The following ABHD4 variants were observed in gnomAD, a reference collection of about 807,000 sequenced individuals.
The protein encoded by ABHD4 is (Lyso)-N-acylphosphatidylethanolamine lipase.
Under a neutral mutation model 42.3 loss-of-function variants are expected in ABHD4, and 35 were observed. The observed-to-expected ratio is 0.83, with a 90% CI of 0.63 to 1.10. ABHD4 has a LOEUF of 1.10. Ranked by LOEUF, ABHD4 falls within the 50% of genes least tolerant of loss-of-function variation. The probability of loss-of-function intolerance (pLI) is 0.00; values close to 1 mark genes in which losing one functional copy is unlikely to be tolerated. For synonymous variants in ABHD4, 169 were observed against 170.6 expected, an observed-to-expected ratio of 0.99 and a Z score of 0.07; for missense variants, 389 against 454.8, an observed-to-expected ratio of 0.86 and a Z score of 1.32.
Position 22,609,758 on chromosome 14 carries a change from T to A in ABHD4, c.787T>A (p.Phe263Ile), listed in dbSNP as rs1401358668. 20 of 1,614,014 alleles carry A rather than the reference T, an allele frequency of 1.2e-5. No homozygotes were observed. In the South Asian group the frequency reaches 2.2e-4, roughly 18 times the overall value. The change falls in exon 6 of 7, where the codon TTT becomes ATT. Residue 263 changes from phenylalanine (F) to isoleucine (I), a missense_variant. This residue lies in a region of ABHD4 where 249 missense variants were observed against 254.4 expected (regional missense o/e 0.98). Coordinates refer to ENST00000428304, the MANE Select transcript of ABHD4 (RefSeq NM_022060.3). ...AGCATTCAAAGCCATGATGGAGTCCTTTGGCTGGGCCCGGCGCCCTATGCT... is the reference window on the plus strand; with the variant it reads ...AGCATTCAAAGCCATGATGGAGTCCATTGGCTGGGCCCGGCGCCCTATGCT... ...ETAFKAMMES[F>I]GWARRPMLER...
intron 5 of ABHD4, among the ~76,000 whole-genome samples, chr14:22,608,554 T>C (rs997452853): frequency 6.6e-6 from 1 of 152,266 alleles, no homozygotes; most frequent in Non-Finnish European, 1.5e-5. Context: ...CCCTTTTTAC[T>C]ACTATAGTAC....
rs2037415749 is a variant in ABHD4, at chr14:22,611,594, G to C, written c.*646G>C. On this transcript the variant is annotated 3_prime_UTR_variant, in exon 7 of 7. Transcript: ENST00000428304. ...TTCAAGTTCTGGCAGAGCTTGTAAG[G>C]CTAGAGCCCAGGTCTGCCGACACCC... 6.6e-6 allele frequency: 1 copy of C among 152,638 alleles called. No homozygotes were observed. Among genetic ancestry groups the C allele is most frequent in the South Asian group, 2.1e-4 (1 of 4,852 alleles). 9.5% of individuals were successfully genotyped at this position (152,638 alleles called of 1,614,324 possible).
chr14:22,604,756 T>C lies in ABHD4; in HGVS notation c.640+677T>C, dbSNP rs910832986. On this transcript the variant is annotated intron_variant, in intron 4 of 6. Coordinates refer to ENST00000428304, the MANE Select transcript of ABHD4 (RefSeq NM_022060.3). ...TCCTGAGTAGCTGGGACTGCAGGTGTACCCCACCACACCTGGCTAATTTTT... is the reference window on the plus strand; with the variant it reads ...TCCTGAGTAGCTGGGACTGCAGGTGCACCCCACCACACCTGGCTAATTTTT... 2.0e-5 allele frequency among the ~76,000 whole-genome samples: 3 copies of C among 151,722 alleles called. 1 individual carries two copies. The highest frequency in any genetic ancestry group is 7.3e-5 in the African/African-American group (3 of 41,252).
chr14:22,599,817 A>G (rs956108533), intron 1 of ABHD4, among the ~76,000 whole-genome samples: 3 of 152,220 alleles, frequency 2.0e-5, no homozygotes, highest in South Asian at 2.1e-4. Flanking sequence ...CTTCAAGCCT[A>G]CAAGGAATTC....
chr14:22,600,829 GGGGTGTGT>G (rs1210049681), intron 1 of ABHD4, among the ~76,000 whole-genome samples: 21,434 of 125,064 alleles, frequency 0.17, 1,710 homozygotes, highest in Admixed American at 0.2. Context: ...GTCCAGCAGG[GGGGTGTGT>G]GTGTGTGTGT....
At chr14:22,600,551 C>T (rs955568226) in intron 1 of ABHD4, among the ~76,000 whole-genome samples, 3 of 152,158 alleles carry the variant, frequency 2.0e-5, no homozygotes, top group Non-Finnish European at 4.4e-5. Context: ...TGGTTCCCCT[C>T]ACTCCCCCTT....
chr14:22,609,516 G>C, intron 5 of ABHD4: 1 of 516,310 alleles, frequency 1.9e-6, no homozygotes, highest in Non-Finnish European at 3.3e-6. Context: ...TACTGCCATG[G>C]GGTTTTTCAC....
At chr14:22,607,663 C>G (rs2037364535) in intron 5 of ABHD4, among the ~76,000 whole-genome samples, 1 of 152,228 alleles carries the variant, frequency 6.6e-6, no homozygotes, top group South Asian at 2.1e-4. Flanking sequence ...GCCCTTCTCT[C>G]AGCCCCCATG....
Position 22,610,849 on chromosome 14 carries a change from C to A in ABHD4, c.940-10C>A, listed in dbSNP as rs2037406779. The A allele has an allele frequency of 6.2e-7, 1 of 1,610,774 alleles. No homozygotes were observed. Among genetic ancestry groups the A allele is most frequent in the African/African-American group, 1.3e-5 (1 of 74,888 alleles). On this transcript the variant is annotated splice_polypyrimidine_tract_variant and intron_variant, in intron 6 of 6. Coordinates refer to ENST00000428304, the MANE Select transcript of ABHD4 (RefSeq NM_022060.3). ...AGGCCATCCCACCCCTGCGGGTTCT[C>A]TCTCCACAGGAGATTAAGGGTGCCT...
In ABHD4 at chr14:22,603,993, G is replaced by A. The variant is rs199553605; in HGVS notation, c.554G>A (p.Arg185His). Residue 185 changes from arginine to histidine, a missense_variant, in exon 4 of 7, where the codon CGT becomes CAT. Around this residue, in one of 3 missense-constraint regions of ABHD4, gnomAD observed 249 missense variants for 254.4 expected, o/e 0.98. Transcript: ENST00000428304. The stretch of plus-strand genomic sequence containing the variant: ...CGACCAACTAACCCCAGTGAGATCC[G>A]TGCACCCCCAGCCTGGGTCAAAGCC... ...PLRPTNPSEI[R>H]APPAWVKAVA... 48 of 1,614,166 alleles carry A rather than the reference G, an allele frequency of 3.0e-5. No homozygotes were observed. The highest frequency in any genetic ancestry group is 8.9e-5 in the East Asian group (4 of 44,874).
At chr14:22,606,602 G>C (rs904074928) in intron 5 of ABHD4, 69 bp downstream of exon 5, 3 of 1,085,648 alleles carry the variant, frequency 2.8e-6, no homozygotes, top group Non-Finnish European at 4.1e-6. Context: ...AGCTGCTGGA[G>C]TTCTGGGCTT....
chr14:22,600,108 T>C (rs955820954), intron 1 of ABHD4: 8 of 453,204 alleles, frequency 1.8e-5, no homozygotes, highest in African/African-American at 6.0e-5. Context: ...AGCAACCCTA[T>C]GAGGTAGATA....
chr14:22,598,436 T>C (rs1489771173), intron 1 of ABHD4, 107 bp downstream of exon 1: 1 of 1,461,410 alleles, frequency 6.8e-7, no homozygotes, highest in Non-Finnish European at 9.2e-7. Flanking sequence ...CGCTCTTCCT[T>C]TTCCAGGTCG....
intron 5 of ABHD4, among the ~76,000 whole-genome samples, chr14:22,609,205 C>A (rs1326054499): frequency 6.6e-6 from 1 of 152,112 alleles, no homozygotes; most frequent in African/African-American, 2.4e-5. Context: ...ACCATGTTGG[C>A]CAGGCTGGTC....
Position 22,603,922 on chromosome 14 carries a change from T to G in ABHD4, c.486-3T>G. 6.2e-7 allele frequency: 1 copy of G among 1,613,896 alleles called. No individual in the cohort carries two copies. Among genetic ancestry groups the G allele is most frequent in the Non-Finnish European group, 8.5e-7 (1 of 1,179,796 alleles). On this transcript the variant is annotated splice_region_variant and splice_polypyrimidine_tract_variant and intron_variant, in intron 3 of 6. Transcript: ENST00000428304. ...TCTTCTCCTCTTTCCGCCTTTAACA[T>G]AGAGTTAAACACCTCATCCTGGTGG...
chr14:22,606,677 T>G (rs148983157), intron 5 of ABHD4, 144 bp downstream of exon 5: 1 of 608,770 alleles, frequency 1.6e-6, no homozygotes, highest in Non-Finnish European at 2.9e-6. Context: ...GCCTGATCAT[T>G]TCCAGAGAGT....
chr14:22,600,184 C>T (rs1235104559), intron 1 of ABHD4: 1 of 455,834 alleles, frequency 2.2e-6, no homozygotes, highest in Admixed American at 2.3e-5. Context: ...TGCCCACAGT[C>T]ACATTGCTGG....
rs1033904279 is a variant in ABHD4 at position 22,612,912 on chromosome 14, G to T, written c.*1964G>T. ...ACCATAAGCAACATAAAGACAAAGG[G>T]TACATCTAGCACATAGTTCGTGTTC... is the stretch of plus-strand genomic sequence containing the variant. On this transcript the variant is annotated 3_prime_UTR_variant, in exon 7 of 7. Coordinates refer to ENST00000428304, the MANE Select transcript of ABHD4 (RefSeq NM_022060.3). 1 of 152,166 alleles carries T rather than the reference G, an allele frequency of 6.6e-6. No individual in the cohort carries two copies. The highest frequency in any genetic ancestry group is 2.1e-4 in the South Asian group (1 of 4,818). The allele number at this position is 152,166 out of a possible 1,614,324, so 9.4% of individuals were successfully genotyped here.
In ABHD4 at chr14:22,603,645, A is replaced by G. The variant is rs1423752037; in HGVS notation, c.368A>G (p.Glu123Gly). The G allele has an allele frequency of 6.2e-7, 1 of 1,613,986 alleles. No individual in the cohort carries two copies. Among genetic ancestry groups the G allele is most frequent in the Non-Finnish European group, 8.5e-7 (1 of 1,180,018 alleles). Residue 123 changes from glutamate to glycine, a missense_variant, in exon 3 of 7, where the codon GAG (glutamate) becomes GGG (glycine). Around this residue, in one of 3 missense-constraint regions of ABHD4, gnomAD observed 38 missense variants for 72.1 expected, o/e 0.53. Coordinates refer to ENST00000428304, the MANE Select transcript of ABHD4 (RefSeq NM_022060.3). ...FPRDPEGAED[E>G]FVTSIETWRE... ...AGGGACCCGGAGGGGGCTGAGGATG[A>G]GTTTGTGACATCGATAGAGACATGG...
Sources: gnomAD v4.1 joint callset for allele counts (sites outside exome capture counted in the v4.1 genomes callset) on GRCh38, gnomAD v4.1.1 for gene constraint, gnomAD v4.1.1 regional missense constraint, MANE v1.5 for transcripts, NCBI Gene and HGNC (gene_info 2026-07-23, HGNC 2026-07-21) for gene names.